Variants in RNF150 observed in about 807,000 individuals in gnomAD.
The protein encoded by RNF150 is ring finger protein 150.
A neutral mutation model predicts 39.3 loss-of-function variants in RNF150; 24 were observed. The ratio of observed to expected loss-of-function variants is 0.61; its 90% confidence interval spans 0.44 to 0.86. RNF150 has a LOEUF of 0.86. Ranked by LOEUF, RNF150 falls within the 40% of genes least tolerant of loss-of-function variation. The pLI is 0.00. For synonymous variants in RNF150, 255 were observed against 227.3 expected (o/e 1.12, Z -1.10); for missense variants, 502 against 587.8 (o/e 0.85, Z 1.51).
chr4:141,120,165 A>G (rs1726564245), intron 1 of RNF150, among the ~76,000 whole-genome samples: 1 of 152,222 alleles, frequency 6.6e-6, no homozygotes, highest in Non-Finnish European at 1.5e-5. Flanking sequence ...GGAGACAGAC[A>G]ATAATGGAAC....
intron 4 of RNF150, among the ~76,000 whole-genome samples, chr4:140,931,647 C>T (rs528959565): frequency 6.6e-6 from 1 of 152,294 alleles, no homozygotes; most frequent in South Asian, 2.1e-4. Flanking sequence ...AGAAAGCACA[C>T]ACGGAAGACA....
rs1435874239 is a variant in RNF150, at chr4:140,863,923, A to G, written c.*4338T>C. ...CTCTGCAAAAATATCCATCTAAACA[A>G]AACTCATAAATAAGAAAGAATCCTA... is the stretch of plus-strand genomic sequence containing the variant. On this transcript the variant is annotated 3_prime_UTR_variant, in exon 7 of 7. Transcript: ENST00000515673. The G allele has an allele frequency of 6.6e-6, 1 of 151,476 alleles. No homozygotes were observed. The highest frequency in any genetic ancestry group is 2.1e-4 in the East Asian group (1 of 4,870). The allele number at this position is 151,476 out of a possible 1,614,324, so 9.4% of individuals were successfully genotyped here. A position where few individuals can be genotyped will look rare whatever the true frequency, so the allele number is the denominator to read the frequency against.
At chr4:141,154,439 A>G (rs746508660) in intron 1 of RNF150, among the ~76,000 whole-genome samples, 1 of 152,192 alleles carries the variant, frequency 6.6e-6, no homozygotes, top group African/African-American at 2.4e-5. Flanking sequence ...TTAGGCAAGC[A>G]CTTCTCACAA....
chr4:141,169,004 G>A (rs1370029958), intron 1 of RNF150, among the ~76,000 whole-genome samples: 2 of 152,126 alleles, frequency 1.3e-5, no homozygotes, highest in Non-Finnish European at 2.9e-5. Flanking sequence ...TTTGCAATGT[G>A]AGAAGGACAT....
At chr4:141,162,310 T>G (rs1988067) in intron 1 of RNF150, among the ~76,000 whole-genome samples, 2 of 152,118 alleles carry the variant, frequency 1.3e-5, no homozygotes, top group African/African-American at 2.4e-5. Flanking sequence ...GCATGAGGCC[T>G]GTAACCACTT....
chr4:141,167,608 G>A (rs1375573494), intron 1 of RNF150, among the ~76,000 whole-genome samples: 2 of 152,058 alleles, frequency 1.3e-5, no homozygotes, highest in Non-Finnish European at 2.9e-5. Flanking sequence ...TAGACCAATG[G>A]AAGAGAACAA....
At chr4:141,121,667 C>A (rs1479211581) in intron 1 of RNF150, among the ~76,000 whole-genome samples, 2 of 152,136 alleles carry the variant, frequency 1.3e-5, no homozygotes, top group East Asian at 3.8e-4. Flanking sequence ...TCTTGCTGGT[C>A]ACCAAAACCA....
At chr4:140,877,259 T>C (rs1369339292) in intron 6 of RNF150, among the ~76,000 whole-genome samples, 1 of 152,240 alleles carries the variant, frequency 6.6e-6, no homozygotes, top group African/African-American at 2.4e-5. Context: ...ACATTAGTTT[T>C]ACATTTGTTT....
chr4:141,087,037 T>C (rs999657391), intron 1 of RNF150, among the ~76,000 whole-genome samples: 1 of 152,190 alleles, frequency 6.6e-6, no homozygotes, highest in Non-Finnish European at 1.5e-5. Flanking sequence ...GTTTTTTACA[T>C]AGATAAACAT....
At chr4:141,095,272 T>A (rs1738728705) in intron 1 of RNF150, among the ~76,000 whole-genome samples, 1 of 152,126 alleles carries the variant, frequency 6.6e-6, no homozygotes. Context: ...TACTCAGTAG[T>A]GAGCTCTCTT....
chr4:140,985,385 G>C (rs1313355220), intron 1 of RNF150, among the ~76,000 whole-genome samples: 1 of 152,108 alleles, frequency 6.6e-6, no homozygotes, highest in Non-Finnish European at 1.5e-5. Context: ...GAGAGTCAAG[G>C]ATCCTTCTCT....
intron 1 of RNF150, among the ~76,000 whole-genome samples, chr4:141,155,630 T>TA (rs138113507): frequency 8.1e-4 from 124 of 152,352 alleles, no homozygotes; most frequent in African/African-American, 2.9e-3. Flanking sequence ...ATGAATGTTA[T>TA]ATACATCCCA....
intron 6 of RNF150, among the ~76,000 whole-genome samples, chr4:140,887,440 C>T (rs1188519405): frequency 2.0e-5 from 3 of 152,232 alleles, no homozygotes; most frequent in African/African-American, 7.2e-5. Flanking sequence ...ATTCTTTCCC[C>T]ACTAAGCTTT....
At chr4:141,210,756 C>A (rs1204274903) in intron 1 of RNF150, among the ~76,000 whole-genome samples, 1 of 151,956 alleles carries the variant, frequency 6.6e-6, no homozygotes, top group Non-Finnish European at 1.5e-5. Context: ...TTTTCCATTT[C>A]TTCCTAATAA....
At chr4:141,205,290 C>A (rs1284836885) in intron 1 of RNF150, among the ~76,000 whole-genome samples, 1 of 151,992 alleles carries the variant, frequency 6.6e-6, no homozygotes, top group African/African-American at 2.4e-5. Flanking sequence ...TTTTTCATAT[C>A]CCATTTTTAA....
chr4:141,104,492 A>C (rs1739132135), intron 1 of RNF150, among the ~76,000 whole-genome samples: 1 of 152,174 alleles, frequency 6.6e-6, no homozygotes, highest in Admixed American at 6.5e-5. Flanking sequence ...AAAATACTGC[A>C]AGGTACCAGT....
chr4:140,868,284 C>A lies in RNF150; in HGVS notation c.1294G>T (p.Asp432Tyr). 6.2e-7 allele frequency: 1 copy of A among 1,601,772 alleles called. No individual in the cohort carries two copies. Among genetic ancestry groups the A allele is most frequent in the Non-Finnish European group, 8.6e-7 (1 of 1,168,812 alleles). Residue 432 changes from aspartate to tyrosine, a missense_variant, in exon 7 of 7, where the codon GAC (aspartate) becomes TAC (tyrosine). Coordinates refer to ENST00000515673, the MANE Select transcript of RNF150 (RefSeq NM_020724.2). ...LSDVELSTDQ[D>Y]CEEVKS ...TTTCAAGATTTCACTTCTTCACAGT[C>A]CTGGTCAGTGGAAAGTTCTACATCA...
intron 2 of RNF150, among the ~76,000 whole-genome samples, chr4:140,952,603 G>A (rs916384232): frequency 2.6e-5 from 4 of 152,186 alleles, no homozygotes; most frequent in African/African-American, 9.7e-5. Flanking sequence ...AAAATGGCAG[G>A]TCCGTTGAGG....
At position 141,198,923 on chromosome 4, in the gene RNF150, G is replaced by C. The variant is rs184968497; in HGVS notation, c.-6+13871C>G. Among the ~76,000 whole-genome samples, 372 of 152,266 alleles carry C rather than the reference G, an allele frequency of 2.4e-3. 3 individuals carry two copies. The highest frequency in any genetic ancestry group is 2.7e-3 in the Non-Finnish European group (183 of 68,018). On this transcript the variant is annotated intron_variant, in intron 1 of 7. Coordinates refer to the RNF150 transcript ENST00000420921. ...GTTAAAACCTTTTTCTCTGTTAAGAGAATGAAAAGACAATTTACAGACTGG... is the reference window on the plus strand; with the variant it reads ...GTTAAAACCTTTTTCTCTGTTAAGACAATGAAAAGACAATTTACAGACTGG...
Sources: allele counts gnomAD v4.1 joint callset (sites outside exome capture counted in the v4.1 genomes callset), GRCh38; gene constraint gnomAD v4.1.1; transcripts MANE v1.5; gene names NCBI Gene and HGNC (gene_info 2026-07-23, HGNC 2026-07-21).